RADIL: variants seen among roughly 807,000 people sequenced by gnomAD.
RADIL encodes Rap associating with DIL domain.
Under a neutral mutation model 97.6 loss-of-function variants are expected in RADIL, and 99 were observed. The observed-to-expected ratio is 1.01, with a 90% confidence interval of 0.86 to 1.20. The LOEUF is 1.20. RADIL is among the 50% of genes most tolerant of loss of function. The probability of loss-of-function intolerance (pLI) is 0.00; values close to 1 mark genes in which losing one functional copy is unlikely to be tolerated. For synonymous variants in RADIL, 803 were observed against 691.8 expected (o/e 1.16, Z -2.52); for missense variants, 1,765 against 1,498.9 (o/e 1.18, Z -2.93).
chr7:4,825,807 G>A (rs535279018), intron 5 of RADIL, among the ~76,000 whole-genome samples: 4 of 150,948 alleles, frequency 2.6e-5, no homozygotes, highest in Admixed American at 6.6e-5. Flanking sequence ...ACCAGGACCC[G>A]GGAGGTGGAA....
At chr7:4,864,918 G>A (rs1784096263) in intron 2 of RADIL, among the ~76,000 whole-genome samples, 1 of 152,162 alleles carries the variant, frequency 6.6e-6, no homozygotes. Flanking sequence ...ATTATACACA[G>A]TGTAAAATCC....
At chr7:4,852,174 C>G (rs188404657) in intron 2 of RADIL, among the ~76,000 whole-genome samples, 13 of 152,274 alleles carry the variant, frequency 8.5e-5, no homozygotes, top group Admixed American at 4.6e-4. Flanking sequence ...CTGGCCTAGA[C>G]TGAAGGGAAC....
intron 2 of RADIL, among the ~76,000 whole-genome samples, chr7:4,852,418 G>A (rs950841709): frequency 3.3e-5 from 5 of 152,064 alleles, no homozygotes; most frequent in African/African-American, 1.2e-4. Context: ...CAGGCCAGTG[G>A]CACCTTTTTA....
intron 12 of RADIL, among the ~76,000 whole-genome samples, 194 bp from the exon 13 acceptor site, chr7:4,800,504 C>T (rs1338517340): frequency 6.6e-6 from 1 of 152,130 alleles, no homozygotes; most frequent in African/African-American, 2.4e-5. Flanking sequence ...ATGGGCGACA[C>T]CCCCATGTTC....
chr7:4,834,736 G>A lies in RADIL; in HGVS notation c.1287C>T (p.Gly429=), dbSNP rs760510510. 20 of 1,409,932 alleles carry A rather than the reference G, an allele frequency of 1.4e-5. No individual in the cohort carries two copies. Among genetic ancestry groups the A allele is most frequent in the African/African-American group, 7.4e-5 (5 of 67,692 alleles). 87.3% of individuals were successfully genotyped at this position (1,409,932 alleles called of 1,614,324 possible). Residue 429 remains glycine, a synonymous_variant, in exon 4 of 15, where the codon GGC becomes GGT. Coordinates refer to ENST00000399583, the MANE Select transcript of RADIL (RefSeq NM_018059.5). This position sits in a 1 kb window ranked among gnomAD's most constrained non-coding sequence, Gnocchi z 6.0. ...AGGCGGGGGTCAGCTTGTGGTCGTC[G>A]CCCCCCGGCTCGATCAACGTCATGA... ...QRIMTLIEPG[G]DDHKLTPAFL...
intron 2 of RADIL, among the ~76,000 whole-genome samples, chr7:4,839,337 G>A (rs1783385568): frequency 1.3e-5 from 2 of 152,152 alleles, no homozygotes; most frequent in Admixed American, 1.3e-4. Context: ...TTGGGCTGGG[G>A]TCGGAGAGTG....
chr7:4,802,629 A>G (rs1482261779), intron 11 of RADIL, among the ~76,000 whole-genome samples: 274 of 46,272 alleles, frequency 5.9e-3, no homozygotes, highest in Admixed American at 0.013. Context: ...TGCTGGCTGG[A>G]CCCCCTCCCC....
At chr7:4,836,073 G>A (rs1032269673) in intron 3 of RADIL, among the ~76,000 whole-genome samples, 53 of 152,364 alleles carry the variant, frequency 3.5e-4, no homozygotes, top group Admixed American at 1.9e-3. Context: ...CTGGGAAGGC[G>A]TGAGGAGTTC....
intron 10 of RADIL, among the ~76,000 whole-genome samples, chr7:4,804,612 C>T (rs1043612754): frequency 2.0e-5 from 3 of 151,924 alleles, no homozygotes; most frequent in African/African-American, 7.3e-5. Flanking sequence ...CATGGTGAAA[C>T]CCCGTCTCTA....
At position 4,837,686 on chromosome 7, in the gene RADIL, A is replaced by G; in HGVS notation, c.536-1081T>C. On this transcript the variant is annotated intron_variant, in intron 2 of 14. Coordinates refer to ENST00000399583, the MANE Select transcript of RADIL (RefSeq NM_018059.5). The surrounding 1 kb of genome is among the most constrained non-coding windows in gnomAD (Gnocchi z 5.6). Reference sequence around the variant, plus strand: ...CAACACACATGCACCCACACACATTAACACATACATGCACACAAACATGCG... The same window carrying G: ...CAACACACATGCACCCACACACATTGACACATACATGCACACAAACATGCG... 1 of 374,818 alleles carries G rather than the reference A, an allele frequency of 2.7e-6. No individual in the cohort carries two copies. Among genetic ancestry groups the G allele is most frequent in the Non-Finnish European group, 3.7e-6 (1 of 272,046 alleles). The allele number at this position is 374,818 out of a possible 1,614,324, so 23.2% of individuals were successfully genotyped here. A position where few individuals can be genotyped will look rare whatever the true frequency, so the allele number is the denominator to read the frequency against.
chr7:4,805,645 G>A lies in RADIL; in HGVS notation c.2211C>T (p.His737=). ...SPAQLHRLLT[H]YQLASAMGPM... is the part of the protein sequence containing the mutation. ...GGCCCATGGCCGAGGCCAGCTGGTA[G>A]TGAGTCAGCAGCCGGTGCAGCTGTG... Residue 737 remains histidine (H), a synonymous_variant, in exon 10 of 15, where the codon CAC becomes CAT. Transcript: ENST00000399583. The A allele has an allele frequency of 6.2e-7, 1 of 1,611,856 alleles. No homozygotes were observed. The highest frequency in any genetic ancestry group is 2.2e-5 in the East Asian group (1 of 44,872).
intron 2 of RADIL, among the ~76,000 whole-genome samples, chr7:4,838,368 G>GT (rs1238012457): frequency 2.6e-5 from 4 of 152,210 alleles, no homozygotes. Flanking sequence ...GTTGTAGGAG[G>GT]TGACCTCAGA....
At chr7:4,839,948 C>T (rs1417567513) in intron 2 of RADIL, among the ~76,000 whole-genome samples, 2 of 152,118 alleles carry the variant, frequency 1.3e-5, no homozygotes, top group East Asian at 1.9e-4. Flanking sequence ...AGGGTTTCAC[C>T]GTCTTGGACA....
rs1280686957 is a variant in RADIL at position 4,867,103 on chromosome 7, A to G, written c.535+10502T>C. ...TTCTCAGCCTGTGGAACCATGAGATAAATAAACCTCTTTTCCTTATACATT... is the reference window on the plus strand; with the variant it reads ...TTCTCAGCCTGTGGAACCATGAGATGAATAAACCTCTTTTCCTTATACATT... On this transcript the variant is annotated intron_variant, in intron 2 of 14. Coordinates refer to ENST00000399583, the MANE Select transcript of RADIL (RefSeq NM_018059.5). The surrounding 1 kb of genome is among the most constrained non-coding windows in gnomAD (Gnocchi z 4.1). Among the ~76,000 whole-genome samples, 1 of 152,184 alleles carries G rather than the reference A, an allele frequency of 6.6e-6. No homozygotes were observed. The highest frequency in any genetic ancestry group is 1.5e-5 in the Non-Finnish European group (1 of 68,030).
chr7:4,862,675 C>T (rs1209904515), intron 2 of RADIL, among the ~76,000 whole-genome samples: 1 of 152,120 alleles, frequency 6.6e-6, no homozygotes, highest in Admixed American at 6.5e-5. Flanking sequence ...CCGAGGCGGG[C>T]AGATCACCTG....
chr7:4,798,381 G>A lies in RADIL; in HGVS notation c.*997C>T, dbSNP rs1227071282. ...ACAGACCTCTGTCCCAGTGAGAGGT[G>A]CATCTGCAACTGATGCCGGGACCCT... On this transcript the variant is annotated 3_prime_UTR_variant, in exon 15 of 15. Transcript: ENST00000399583. 6.6e-6 allele frequency: 1 copy of A among 152,222 alleles called. No homozygotes were observed. The highest frequency in any genetic ancestry group is 2.4e-5 in the African/African-American group (1 of 41,464). 9.4% of individuals were successfully genotyped at this position (152,222 alleles called of 1,614,324 possible).
At chr7:4,851,405 G>T (rs1166989367) in intron 2 of RADIL, among the ~76,000 whole-genome samples, 1 of 152,152 alleles carries the variant, frequency 6.6e-6, no homozygotes, top group Admixed American at 6.5e-5. Context: ...TAAAGACATT[G>T]CTTCTTTCTC....
rs890714070 is a variant in RADIL at position 4,799,823 on chromosome 7, C to T, written c.2983-54G>A. On this transcript the variant is annotated intron_variant, in intron 13 of 14. Transcript: ENST00000399583. Reference sequence around the variant, plus strand: ...CGCAGGCCCGACTGGCTGTCCCCAGCGAGGACCACTGCAGCCCCTCCCTTG... The same window carrying T: ...CGCAGGCCCGACTGGCTGTCCCCAGTGAGGACCACTGCAGCCCCTCCCTTG... The T allele has an allele frequency of 2.1e-5, 31 of 1,449,408 alleles. No homozygotes were observed. In the African/African-American group the frequency reaches 2.7e-4, roughly 13 times the overall value. 89.8% of individuals were successfully genotyped at this position (1,449,408 alleles called of 1,614,324 possible). A position where few individuals can be genotyped will look rare whatever the true frequency, so the allele number is the denominator to read the frequency against.
At position 4,836,445 on chromosome 7, in the gene RADIL, G is replaced by A; in HGVS notation, c.696C>T (p.Gly232=). ...TGGCGTCGGGGCCGGGCTCCTCGGG[G>A]CCCTGGGCGGCAGCGGGCAGGGCGT... ...PVNALPAAAQ[G]PEEPGPDAMR... is the part of the protein sequence containing the mutation. Residue 232 remains glycine, a synonymous_variant, in exon 3 of 15, where the codon GGC becomes GGT. Coordinates refer to ENST00000399583, the MANE Select transcript of RADIL (RefSeq NM_018059.5). The A allele has an allele frequency of 6.3e-7, 1 of 1,598,706 alleles. No homozygotes were observed. Among genetic ancestry groups the A allele is most frequent in the Non-Finnish European group, 8.5e-7 (1 of 1,172,826 alleles).
Sources: allele counts gnomAD v4.1 joint callset (sites outside exome capture counted in the v4.1 genomes callset), GRCh38; gene constraint gnomAD v4.1.1; non-coding constraint Gnocchi (gnomAD v3.1); transcripts MANE v1.5; gene names NCBI Gene and HGNC (gene_info 2026-07-23, HGNC 2026-07-21).